Variants in OPCML observed in about 807,000 individuals in gnomAD.
OPCML encodes opioid-binding protein/cell adhesion molecule.
Under a neutral mutation model 37.8 loss-of-function variants are expected in OPCML, and 13 were observed. The observed-to-expected ratio is 0.34, with a 90% CI of 0.22 to 0.55. The LOEUF (loss-of-function observed/expected upper bound fraction) is 0.55, where lower values mean the gene tolerates loss of function less well. OPCML is among the 20% of genes least tolerant of loss of function. The probability of loss-of-function intolerance (pLI) is 0.91; values close to 1 mark genes in which losing one functional copy is unlikely to be tolerated. For synonymous variants in OPCML, 176 were observed against 168.8 expected (o/e 1.04, Z -0.33); for missense variants, 341 against 435.6 (o/e 0.78, Z 1.93).
intron 4 of OPCML, among the ~76,000 whole-genome samples, chr11:132,507,208 TA>T: frequency 6.6e-6 from 1 of 152,104 alleles, no homozygotes; most frequent in South Asian, 2.1e-4. Flanking sequence ...AAGCAAAAAG[TA>T]TTAAAATGCA....
chr11:132,847,165 A>G (rs1941580411), intron 2 of OPCML, among the ~76,000 whole-genome samples: 1 of 152,176 alleles, frequency 6.6e-6, no homozygotes, highest in Admixed American at 6.5e-5. Context: ...AACTGAAGGT[A>G]TCTTGCTGCA....
At chr11:133,194,124 A>G (rs1335699156) in intron 1 of OPCML, among the ~76,000 whole-genome samples, 3 of 151,888 alleles carry the variant, frequency 2.0e-5, no homozygotes, top group Admixed American at 6.6e-5. Context: ...GTAACTGTCT[A>G]AGTCTGTCCA....
chr11:132,626,137 G>T (rs1296172412), intron 3 of OPCML, among the ~76,000 whole-genome samples: 1 of 151,290 alleles, frequency 6.6e-6, no homozygotes, highest in Non-Finnish European at 1.5e-5. Flanking sequence ...AGCATCTCAG[G>T]CACTATACTA....
chr11:132,515,617 T>G (rs1050926035), intron 4 of OPCML, among the ~76,000 whole-genome samples: 2 of 152,194 alleles, frequency 1.3e-5, no homozygotes, highest in African/African-American at 4.8e-5. Flanking sequence ...GGAACATTTG[T>G]GAGACTGGAG....
intron 1 of OPCML, chr11:133,006,791 C>G (rs564549217): frequency 2.0e-4 from 200 of 985,340 alleles, no homozygotes; most frequent in Middle Eastern, 5.2e-4. Context: ...ACAGCAGGTC[C>G]TGCCTTCCAC....
chr11:133,124,064 T>G (rs2137120480), intron 1 of OPCML, among the ~76,000 whole-genome samples: 1 of 151,986 alleles, frequency 6.6e-6, no homozygotes, highest in Non-Finnish European at 1.5e-5. Flanking sequence ...TTATCTATGC[T>G]TTGCAGGTGG....
intron 2 of OPCML, among the ~76,000 whole-genome samples, chr11:132,692,976 T>C (rs1943462571): frequency 6.6e-6 from 1 of 152,206 alleles, no homozygotes; most frequent in African/African-American, 2.4e-5. Flanking sequence ...CCCAACTTCA[T>C]AGTACAATGC....
At position 132,862,820 on chromosome 11, in the gene OPCML, C is replaced by T. The variant is rs140681419; in HGVS notation, c.146+80106G>A. Among the ~76,000 whole-genome samples, 747 of 152,278 alleles carry T rather than the reference C, an allele frequency of 4.9e-3. 4 individuals are homozygous for T. The highest frequency in any genetic ancestry group is 0.015 in the African/African-American group (616 of 41,550). On this transcript the variant is annotated intron_variant, in intron 2 of 7. Transcript: ENST00000524381. ...TCTTCTCTAAAGCTTTTCTCTTTGG[C>T]TTAAAATATTTCAAATCCTTACACA...
rs1445519325 is a variant in OPCML at position 133,261,396 on chromosome 11, A to G, written c.61+270868T>C. 2.6e-5 allele frequency among the ~76,000 whole-genome samples: 4 copies of G among 152,172 alleles called. No individual in the cohort carries two copies. The East Asian group carries it at 7.7e-4, about 29-fold the overall frequency. ...TTGGGTTCTAATTCGAAACACTTTCAGTGGCTCCATGTTAAACACAATCAT... is the reference window on the plus strand; with the variant it reads ...TTGGGTTCTAATTCGAAACACTTTCGGTGGCTCCATGTTAAACACAATCAT... On this transcript the variant is annotated intron_variant, in intron 1 of 7. Coordinates refer to ENST00000524381, the MANE Select transcript of OPCML (RefSeq NM_001012393.5).
chr11:133,468,966 G>T (rs1380119368), intron 1 of OPCML, among the ~76,000 whole-genome samples: 2 of 152,154 alleles, frequency 1.3e-5, no homozygotes, highest in Non-Finnish European at 2.9e-5. Flanking sequence ...AAAATGGTAG[G>T]ATAGTCACCC....
intron 1 of OPCML, among the ~76,000 whole-genome samples, chr11:132,964,565 G>A (rs182398352): frequency 7.9e-5 from 12 of 152,266 alleles, no homozygotes; most frequent in African/African-American, 2.6e-4. Flanking sequence ...AGAAACGTTT[G>A]TTAAGAAAGC....
At chr11:132,807,307 T>C (rs879851364) in intron 2 of OPCML, among the ~76,000 whole-genome samples, 5 of 152,058 alleles carry the variant, frequency 3.3e-5, no homozygotes, top group Admixed American at 2.6e-4. Flanking sequence ...GAAGGCCAAA[T>C]TACCAACATG....
chr11:132,800,029 A>T (rs1352711176), intron 2 of OPCML, among the ~76,000 whole-genome samples: 1 of 152,180 alleles, frequency 6.6e-6, no homozygotes, highest in African/African-American at 2.4e-5. Context: ...TGCCTTTTTA[A>T]CAATATTAAG....
chr11:132,541,871 A>G (rs184142410), intron 3 of OPCML, among the ~76,000 whole-genome samples: 1 of 152,182 alleles, frequency 6.6e-6, no homozygotes, highest in Non-Finnish European at 1.5e-5. Context: ...GTTTGGACAC[A>G]GTGAGATGGG....
intron 2 of OPCML, among the ~76,000 whole-genome samples, chr11:132,940,433 T>C (rs1276169667): frequency 2.6e-5 from 4 of 152,236 alleles, no homozygotes; most frequent in African/African-American, 9.7e-5. Context: ...GAACACTCAG[T>C]TCCCAGGTAA....
intron 1 of OPCML, among the ~76,000 whole-genome samples, chr11:133,507,761 A>G (rs180705939): frequency 2.4e-4 from 37 of 152,206 alleles, no homozygotes; most frequent in Non-Finnish European, 4.4e-5. Flanking sequence ...CCTGGCCAAC[A>G]TGGTGAAACC....
rs555741192 is a variant in OPCML, at chr11:132,894,424, T to C, written c.146+48502A>G. The stretch of plus-strand genomic sequence containing the variant: ...GGCACTGTCTTCTTAATTTCTTCTT[T>C]ATCCTCCATAGAGCTAATCCACACC... On this transcript the variant is annotated intron_variant, in intron 2 of 7. Coordinates refer to ENST00000524381, the MANE Select transcript of OPCML (RefSeq NM_001012393.5). Among the ~76,000 whole-genome samples, 5 of 152,362 alleles carry C rather than the reference T, an allele frequency of 3.3e-5. No homozygotes were observed. The South Asian group carries it at 8.3e-4, about 25-fold the overall frequency.
intron 1 of OPCML, among the ~76,000 whole-genome samples, chr11:133,334,741 G>A (rs1247939834): frequency 6.6e-6 from 1 of 152,194 alleles, no homozygotes; most frequent in Non-Finnish European, 1.5e-5. Context: ...CTCCCATAGA[G>A]TGTACCAGTG....
intron 2 of OPCML, among the ~76,000 whole-genome samples, chr11:132,857,020 C>T (rs1321662461): frequency 6.6e-6 from 1 of 152,078 alleles, no homozygotes; most frequent in Non-Finnish European, 1.5e-5. Flanking sequence ...TTTTTTTTCT[C>T]TGGGGAGGCA....
Sources: allele counts gnomAD v4.1 joint callset (sites outside exome capture counted in the v4.1 genomes callset), GRCh38; gene constraint gnomAD v4.1.1; transcripts MANE v1.5; gene names NCBI Gene and HGNC (gene_info 2026-07-23, HGNC 2026-07-21).